TBC1D31: variants seen among roughly 807,000 people sequenced by gnomAD.
The protein encoded by TBC1D31 is TBC1 domain family member 31.
A neutral mutation model predicts 132.9 loss-of-function variants in TBC1D31; 99 were observed. The ratio of observed to expected loss-of-function variants is 0.74; its 90% CI spans 0.63 to 0.88. The LOEUF (loss-of-function observed/expected upper bound fraction) is 0.88, where lower values mean the gene tolerates loss of function less well. Among genes scored for constraint, TBC1D31 ranks in the 40% least tolerant of loss-of-function variants. TBC1D31 has a pLI of 0.00. For missense variants in TBC1D31, 1,134 were observed against 1,256.6 expected (o/e 0.90, Z 1.48); for synonymous variants, 385 against 419.4 (o/e 0.92, Z 1.00).
downstream of TBC1D31, among the ~76,000 whole-genome samples, chr8:123,154,796 G>T (rs1252478872): frequency 1.3e-5 from 2 of 152,184 alleles, no homozygotes; most frequent in African/African-American, 4.8e-5. Flanking sequence ...CATGGTTGGG[G>T]CAGAGCACGA....
chr8:123,121,906 A>G lies in TBC1D31; in HGVS notation c.1570+1718A>G, dbSNP rs573700408. 9.2e-5 allele frequency among the ~76,000 whole-genome samples: 14 copies of G among 152,344 alleles called. No individual in the cohort carries two copies. In the Middle Eastern group the frequency reaches 0.01, roughly 111 times the overall value. ...AGGACTTGAATAGACATTTCTCCAT[A>G]GGCAGTATACAAATGACCATCAAGC... is the stretch of plus-strand genomic sequence containing the variant. On this transcript the variant is annotated intron_variant, in intron 11 of 21. Transcript: ENST00000287380.
intron 2 of TBC1D31, among the ~76,000 whole-genome samples, chr8:123,081,689 G>T (rs1430802046): frequency 1.3e-5 from 2 of 152,138 alleles, no homozygotes; most frequent in African/African-American, 4.8e-5. Context: ...CATGTAGCTG[G>T]GGAGGCCTCA....
chr8:123,095,621 T>G (rs775689368), intron 5 of TBC1D31, among the ~76,000 whole-genome samples: 10 of 152,180 alleles, frequency 6.6e-5, no homozygotes, highest in Non-Finnish European at 1.2e-4. Context: ...GATGTTCCAA[T>G]TCTCTCATCT....
intron 7 of TBC1D31, among the ~76,000 whole-genome samples, chr8:123,104,765 A>C (rs1285932297): frequency 1.3e-5 from 2 of 152,180 alleles, no homozygotes; most frequent in African/African-American, 4.8e-5. Flanking sequence ...TGTTGATACA[A>C]TAAGGAACTA....
At chr8:123,113,805 T>C (rs1818669310) in intron 10 of TBC1D31, among the ~76,000 whole-genome samples, 2 of 152,194 alleles carry the variant, frequency 1.3e-5, no homozygotes, top group African/African-American at 4.8e-5. Flanking sequence ...AAATTTTACA[T>C]TTCTGTTTCT....
At position 123,144,738 on chromosome 8, in the gene TBC1D31, G is replaced by C; in HGVS notation, c.2857G>C (p.Glu953Gln). ...TTAGTGGAAGGAAGCTGAAGGAAAAGAGTTCCGTTTGAGATCAGCAAAGAA... is the reference window on the plus strand; with the variant it reads ...TTAGTGGAAGGAAGCTGAAGGAAAACAGTTCCGTTTGAGATCAGCAAAGAA... ...AKKWKEAEGK[E>Q]FRLRSAKKAS... The change falls in exon 20 of 22, where the codon GAG becomes CAG. Residue 953 changes from glutamate to glutamine, a missense_variant. Physicochemically the swap from Glu to Gln is conservative, Grantham distance 29. Transcript: ENST00000287380. The C allele has an allele frequency of 1.2e-6, 2 of 1,605,418 alleles. No individual in the cohort carries two copies. Among genetic ancestry groups the C allele is most frequent in the African/African-American group, 1.3e-5 (1 of 74,382 alleles).
rs1434365117 is a variant in TBC1D31, at chr8:123,101,008, G to T, written c.1032+1G>T. 1.9e-6 allele frequency: 3 copies of T among 1,600,694 alleles called. No individual in the cohort carries two copies. The African/African-American group carries it at 4.0e-5, about 21-fold the overall frequency. On this transcript the variant is annotated splice_donor_variant, in intron 7 of 21. Transcript: ENST00000287380. LOFTEE classifies it high-confidence loss of function. ...GGCTTTAACACAAGAAATAAATAAG[G>T]TATGTATGATGAAGTAATCAACATC...
chr8:123,126,702 T>A lies in TBC1D31; in HGVS notation c.1884+15T>A. The A allele has an allele frequency of 1.9e-6, 3 of 1,580,632 alleles. No individual in the cohort carries two copies. Among genetic ancestry groups the A allele is most frequent in the Non-Finnish European group, 2.6e-6 (3 of 1,166,570 alleles). ...ATGACTTTGAGGTAACGGTCCTTGT[T>A]CTTAAGAGAAGGTTCTCAAATATCA... On this transcript the variant is annotated intron_variant, in intron 13 of 21. Transcript: ENST00000287380.
chr8:123,137,300 T>G (rs776316776), intron 17 of TBC1D31, among the ~76,000 whole-genome samples: 16 of 152,206 alleles, frequency 1.1e-4, no homozygotes, highest in African/African-American at 2.4e-4. Flanking sequence ...GCTATAAAGA[T>G]TAAATGAGTT....
At chr8:123,102,218 A>G in intron 7 of TBC1D31, 1 of 456,572 alleles carries the variant, frequency 2.2e-6, no homozygotes, top group Non-Finnish European at 4.4e-6. Flanking sequence ...TTTGATGATC[A>G]CCTGGTCTAA....
intron 10 of TBC1D31, among the ~76,000 whole-genome samples, chr8:123,119,470 G>A (rs1819264402): frequency 6.6e-6 from 1 of 152,200 alleles, no homozygotes; most frequent in African/African-American, 2.4e-5. Context: ...CAGCACTTTG[G>A]GAAGCTGAGG....
At chr8:123,120,819 ATAC>A (rs1351961167) in intron 11 of TBC1D31, among the ~76,000 whole-genome samples, 1 of 151,902 alleles carries the variant, frequency 6.6e-6, no homozygotes, top group East Asian at 1.9e-4. Context: ...TTTTGTTGTT[ATAC>A]TACTTTTACT....
chr8:123,162,310 GTGTGTGTGTGTA>G, the TBC1D31 span, among the ~76,000 whole-genome samples: 1 of 152,164 alleles, frequency 6.6e-6, no homozygotes, highest in African/African-American at 2.4e-5. Flanking sequence ...GTATCTGTGT[GTGTGTGTGTGTA>G]TGTGTGTGTG....
intron 2 of TBC1D31, 46 bp from the exon 3 acceptor site, chr8:123,082,656 A>G: frequency 2.2e-6 from 3 of 1,351,980 alleles, no homozygotes; most frequent in Non-Finnish European, 3.1e-6. Context: ...TGGAATTTGT[A>G]ATTATTGGAA....
intron 20 of TBC1D31, among the ~76,000 whole-genome samples, chr8:123,147,821 T>C (rs1822371574): frequency 6.6e-6 from 1 of 152,114 alleles, no homozygotes; most frequent in Non-Finnish European, 1.5e-5. Flanking sequence ...GATAATCACC[T>C]ACCATTAAGA....
chr8:123,085,716 G>A (rs925131983), intron 4 of TBC1D31, among the ~76,000 whole-genome samples: 5 of 152,116 alleles, frequency 3.3e-5, no homozygotes, highest in Non-Finnish European at 7.3e-5. Flanking sequence ...GCCCCACTCA[G>A]CATAATGTTT....
chr8:123,138,871 G>A (rs1207091241), intron 17 of TBC1D31, among the ~76,000 whole-genome samples: 4 of 152,018 alleles, frequency 2.6e-5, no homozygotes, highest in African/African-American at 9.7e-5. Context: ...GTGCAGTGGC[G>A]TGATCTCAGC....
At chr8:123,077,087 T>C in intron 1 of TBC1D31, 24 bp from the exon 2 acceptor site, 1 of 1,562,712 alleles carries the variant, frequency 6.4e-7, no homozygotes, top group South Asian at 1.2e-5. Context: ...ATAGATTCAA[T>C]GTTTGGGTTT....
chr8:123,093,576 T>C lies in TBC1D31; in HGVS notation c.520-15T>C. ...GAACCTTATGTGAAAACTAACTTTC[T>C]CTATTCCTCCTTAGGTTTTCTTTCT... On this transcript the variant is annotated splice_polypyrimidine_tract_variant and intron_variant, in intron 4 of 21. Transcript: ENST00000287380. The C allele has an allele frequency of 6.3e-7, 1 of 1,579,166 alleles. No individual in the cohort carries two copies.
Sources: allele counts gnomAD v4.1 joint callset (sites outside exome capture counted in the v4.1 genomes callset), GRCh38; gene constraint gnomAD v4.1.1; transcripts MANE v1.5; gene names NCBI Gene and HGNC (gene_info 2026-07-23, HGNC 2026-07-21).